SULT4A1: variants seen among roughly 807,000 people sequenced by gnomAD.
The protein encoded by SULT4A1 is sulfotransferase family 4A member 1.
Under a neutral mutation model 35.2 loss-of-function variants are expected in SULT4A1, and 11 were observed. The ratio of observed to expected loss-of-function variants is 0.31; its 90% CI spans 0.20 to 0.52. The LOEUF (loss-of-function observed/expected upper bound fraction) is 0.52, where lower values mean the gene tolerates loss of function less well. Among genes scored for constraint, SULT4A1 ranks in the 20% least tolerant of loss-of-function variants. The pLI is 0.97. For missense variants in SULT4A1, 271 were observed against 383.7 expected (o/e 0.71, Z 2.45); for synonymous variants, 152 against 151.8 (o/e 1.00, Z -0.01).
intron 5 of SULT4A1, 69 bp from the exon 6 acceptor site, chr22:43,829,267 G>A: frequency 6.9e-7 from 1 of 1,443,922 alleles, no homozygotes; most frequent in Non-Finnish European, 9.2e-7. Flanking sequence ...ACGACCCCAG[G>A]CTGGGCACAC....
intron 1 of SULT4A1, among the ~76,000 whole-genome samples, chr22:43,846,050 C>T (rs1251676578): frequency 2.0e-5 from 3 of 152,190 alleles, no homozygotes; most frequent in Non-Finnish European, 4.4e-5. Flanking sequence ...CCACTGTCCA[C>T]TGCCGCCGTC....
In SULT4A1 at chr22:43,827,328, C is replaced by T. The variant is rs114252946; in HGVS notation, c.743-1215G>A. On this transcript the variant is annotated intron_variant, in intron 6 of 6. Transcript: ENST00000330884. ...TGCTGAGCTAAAATACCCAACGTAA[C>T]ACGGACTTTCTCTTTGGTAACAAAA... 2.7e-3 allele frequency: 2,640 copies of T among 985,418 alleles called. 49 individuals carry two copies. In the African/African-American group the frequency reaches 0.043, roughly 16 times the overall value. The allele number at this position is 985,418 out of a possible 1,614,324, so 61.0% of individuals were successfully genotyped here. A position where few individuals can be genotyped will look rare whatever the true frequency, so the allele number is the denominator to read the frequency against.
intron 1 of SULT4A1, among the ~76,000 whole-genome samples, chr22:43,857,300 G>A (rs1467645837): frequency 1.3e-5 from 2 of 148,884 alleles, no homozygotes; most frequent in South Asian, 4.3e-4. Context: ...TACTCAGGAG[G>A]CTGAGGAAAG....
chr22:43,841,138 AG>A (rs1226529184), intron 2 of SULT4A1, among the ~76,000 whole-genome samples: 1 of 152,166 alleles, frequency 6.6e-6, no homozygotes, highest in Non-Finnish European at 1.5e-5. Flanking sequence ...GGACAAGGAG[AG>A]CAAAATGGCC....
At chr22:43,832,679 C>T (rs574443093) in intron 5 of SULT4A1, among the ~76,000 whole-genome samples, 1 of 152,228 alleles carries the variant, frequency 6.6e-6, no homozygotes, top group South Asian at 2.1e-4. Context: ...ACCCCACCAC[C>T]CCAGGGCCAC....
intron 1 of SULT4A1, among the ~76,000 whole-genome samples, chr22:43,844,116 G>C (rs1042837699): frequency 5.9e-5 from 9 of 152,228 alleles, no homozygotes; most frequent in African/African-American, 2.2e-4. Context: ...GCCACAGGAG[G>C]CCTCTGTGTT....
chr22:43,838,817 C>T (rs371851553), intron 4 of SULT4A1, 50 bp downstream of exon 4: 116 of 1,609,010 alleles, frequency 7.2e-5, no homozygotes, highest in Middle Eastern at 1.7e-4. Flanking sequence ...AGGCCGTCCA[C>T]GACAACAGAC....
At chr22:43,853,613 T>G (rs549097973) in intron 1 of SULT4A1, among the ~76,000 whole-genome samples, 1 of 152,238 alleles carries the variant, frequency 6.6e-6, no homozygotes, top group Non-Finnish European at 1.5e-5. Context: ...CCCCAGCCTC[T>G]GTCTGATGAG....
chr22:43,843,114 G>A (rs2063447292), intron 1 of SULT4A1, among the ~76,000 whole-genome samples: 1 of 151,860 alleles, frequency 6.6e-6, no homozygotes. Flanking sequence ...CTTGGAGCTG[G>A]CTATGAAGAA....
chr22:43,833,306 G>C (rs2063337669), intron 5 of SULT4A1, among the ~76,000 whole-genome samples: 2 of 152,090 alleles, frequency 1.3e-5, no homozygotes, highest in African/African-American at 4.8e-5. Context: ...TCTCACTGCA[G>C]ACAGTGGCCT....
At chr22:43,843,722 G>A (rs1467581638) in intron 1 of SULT4A1, among the ~76,000 whole-genome samples, 1 of 152,218 alleles carries the variant, frequency 6.6e-6, no homozygotes, top group Non-Finnish European at 1.5e-5. Context: ...TGGAAGCTCC[G>A]TACCCTCCTC....
At chr22:43,861,921 G>A (rs1291273821) in intron 1 of SULT4A1, among the ~76,000 whole-genome samples, 4 of 152,242 alleles carry the variant, frequency 2.6e-5, no homozygotes, top group Non-Finnish European at 5.9e-5. Context: ...GCGGCCCTGG[G>A]CCCATCCTCC....
Position 43,826,117 on chromosome 22 carries a change from A to G in SULT4A1, c.743-4T>C. 1 of 1,613,894 alleles carries G rather than the reference A, an allele frequency of 6.2e-7. No individual in the cohort carries two copies. Among genetic ancestry groups the G allele is most frequent in the Non-Finnish European group, 8.5e-7 (1 of 1,179,954 alleles). ...TCCTTCCACAGCCCAACTCTTCCTGAAACGCAAACAAGAGAACTGCTGGGG... is the reference window on the plus strand; with the variant it reads ...TCCTTCCACAGCCCAACTCTTCCTGGAACGCAAACAAGAGAACTGCTGGGG... On this transcript the variant is annotated splice_polypyrimidine_tract_variant and splice_region_variant and intron_variant, in intron 6 of 6. Transcript: ENST00000330884.
At position 43,862,326 on chromosome 22, in the gene SULT4A1, GTA is replaced by G; in HGVS notation, c.55_56del (p.Tyr19LeufsTer54). ...GCAGCCGCACGCCATGGAACTCGAAGTACTTGCTCTCGAACTCCCCCGGGGTG... is the reference window on the plus strand; with the variant it reads ...GCAGCCGCACGCCATGGAACTCGAAGCTTGCTCTCGAACTCCCCCGGGGTG... ...PSTPGEFESKYFEFHGVRLPP... is the reference protein window; with the variant it reads ...PSTPGEFESKXFEFHGVRLPP... On this transcript the variant is annotated frameshift_variant, in exon 1 of 7. Coordinates refer to ENST00000330884, the MANE Select transcript of SULT4A1 (RefSeq NM_014351.4). 1 of 1,554,566 alleles carries G rather than the reference GTA, an allele frequency of 6.4e-7. No individual in the cohort carries two copies. Among genetic ancestry groups the G allele is most frequent in the Non-Finnish European group, 8.7e-7 (1 of 1,148,862 alleles).
At chr22:43,830,181 T>C (rs2063315764) in intron 5 of SULT4A1, among the ~76,000 whole-genome samples, 2 of 152,134 alleles carry the variant, frequency 1.3e-5, no homozygotes, top group South Asian at 2.1e-4. Flanking sequence ...GGAACAGTTA[T>C]TAGAGAATGA....
At position 43,862,431 on chromosome 22, in the gene SULT4A1, A is replaced by ACGCGCT. The variant is rs753956613; in HGVS notation, c.-50_-49insAGCGCG. 1 of 962,166 alleles carries ACGCGCT rather than the reference A, an allele frequency of 1.0e-6. No homozygotes were observed. Among genetic ancestry groups the ACGCGCT allele is most frequent in the Non-Finnish European group, 1.2e-6 (1 of 815,294 alleles). The allele number at this position is 962,166 out of a possible 1,614,324, so 59.6% of individuals were successfully genotyped here. A position where few individuals can be genotyped will look rare whatever the true frequency, so the allele number is the denominator to read the frequency against. Reference sequence around the variant, plus strand: ...CGCCGCCTCCCGGCTCGCAGCCCGCACGCGCCCGCGCCCGCGCCCGCGCCC... The same window carrying ACGCGCT: ...CGCCGCCTCCCGGCTCGCAGCCCGCACGCGCTCGCGCCCGCGCCCGCGCCCGCGCCC... On this transcript the variant is annotated 5_prime_UTR_variant, in exon 1 of 7. Transcript: ENST00000330884.
intron 1 of SULT4A1, among the ~76,000 whole-genome samples, chr22:43,843,242 T>C (rs970333893): frequency 2.0e-5 from 3 of 152,006 alleles, no homozygotes; most frequent in South Asian, 2.1e-4. Context: ...TAGCAAGACA[T>C]TGTCCCTACA....
chr22:43,850,639 G>A (rs1214222300), intron 1 of SULT4A1, among the ~76,000 whole-genome samples: 1 of 152,152 alleles, frequency 6.6e-6, no homozygotes, highest in African/African-American at 2.4e-5. Flanking sequence ...GGCCTGGCAT[G>A]GCTGCACAGG....
chr22:43,845,509 G>A (rs112577062), intron 1 of SULT4A1, among the ~76,000 whole-genome samples: 5,802 of 152,168 alleles, frequency 0.038, 221 homozygotes, highest in African/African-American at 0.094. Context: ...AGTGAGCCCC[G>A]CCGACCCTGC....
Sources: allele counts gnomAD v4.1 joint callset (sites outside exome capture counted in the v4.1 genomes callset), GRCh38; gene constraint gnomAD v4.1.1; transcripts MANE v1.5; gene names NCBI Gene and HGNC (gene_info 2026-07-23, HGNC 2026-07-21).